The following PRKN variants were observed in gnomAD, a reference collection of about 807,000 sequenced individuals.
PRKN encodes the protein E3 ubiquitin-protein ligase parkin.
A neutral mutation model predicts 59.5 loss-of-function variants in PRKN; 56 were observed. The ratio of observed to expected loss-of-function variants is 0.94; its 90% CI spans 0.76 to 1.18. The LOEUF is 1.18. Ranked by LOEUF, PRKN falls within the 50% of genes most tolerant of loss-of-function variation. The probability of loss-of-function intolerance (pLI) is 0.00; values close to 1 mark genes in which losing one functional copy is unlikely to be tolerated. For missense variants in PRKN, 657 were observed against 596.4 expected (o/e 1.10, Z -1.06); for synonymous variants, 250 against 222.1 (o/e 1.13, Z -1.12).
intron 7 of PRKN, among the ~76,000 whole-genome samples, chr6:161,668,917 C>T (rs1354892521): frequency 1.3e-5 from 2 of 152,150 alleles, no homozygotes; most frequent in African/African-American, 4.8e-5. Context: ...GTGACTAAGG[C>T]ACTCCTCTCC....
chr6:162,627,059 G>T (rs939971079), intron 1 of PRKN, among the ~76,000 whole-genome samples: 1 of 152,140 alleles, frequency 6.6e-6, no homozygotes, highest in Non-Finnish European at 1.5e-5. Flanking sequence ...CTGTTCTACA[G>T]AATTCAATGC....
intron 5 of PRKN, among the ~76,000 whole-genome samples, chr6:161,985,226 CT>C (rs1184173715): frequency 6.6e-6 from 1 of 152,192 alleles, no homozygotes; most frequent in Non-Finnish European, 1.5e-5. Context: ...TCTAGCTGTT[CT>C]TTCTCTCCTT....
At chr6:162,280,553 G>T (rs1050672604) in intron 2 of PRKN, among the ~76,000 whole-genome samples, 1 of 152,124 alleles carries the variant, frequency 6.6e-6, no homozygotes, top group African/African-American at 2.4e-5. Flanking sequence ...CACTTTGGAA[G>T]GTTGAGGTGG....
intron 1 of PRKN, among the ~76,000 whole-genome samples, chr6:162,704,515 A>T (rs1387543201): frequency 6.6e-6 from 1 of 152,240 alleles, no homozygotes; most frequent in East Asian, 1.9e-4. Flanking sequence ...CTATGTGTCA[A>T]AGCTCATTGG....
At chr6:162,366,680 T>C (rs1377120002) in intron 2 of PRKN, among the ~76,000 whole-genome samples, 2 of 151,938 alleles carry the variant, frequency 1.3e-5, no homozygotes, top group African/African-American at 2.4e-5. Context: ...CCGAGGTGGG[T>C]GGATCACCTG....
intron 7 of PRKN, among the ~76,000 whole-genome samples, chr6:161,785,025 A>G (rs572003001): frequency 6.6e-6 from 1 of 152,348 alleles, no homozygotes; most frequent in East Asian, 1.9e-4. Context: ...CACCTATTGT[A>G]CGATTTCTTT....
At chr6:161,569,268 T>G in intron 8 of PRKN, 87 bp downstream of exon 8, 1 of 1,174,838 alleles carries the variant, frequency 8.5e-7, no homozygotes, top group Middle Eastern at 1.9e-4. Flanking sequence ...TCAGGAGACA[T>G]ACTCGGCCTC....
chr6:162,342,405 C>G (rs908691665), intron 2 of PRKN, among the ~76,000 whole-genome samples: 1 of 152,132 alleles, frequency 6.6e-6, no homozygotes, highest in Non-Finnish European at 1.5e-5. Context: ...TGAATTAGCA[C>G]CAGGCACGAT....
rs1489629583 is a variant in PRKN, at chr6:161,363,235, C to T, written c.1168-3030G>A. Among the ~76,000 whole-genome samples, 4 of 152,044 alleles carry T rather than the reference C, an allele frequency of 2.6e-5. No individual in the cohort carries two copies. Among genetic ancestry groups the T allele is most frequent in the African/African-American group, 9.7e-5 (4 of 41,388 alleles). On this transcript the variant is annotated intron_variant, in intron 10 of 11. Coordinates refer to ENST00000366898, the MANE Select transcript of PRKN (RefSeq NM_004562.3). This position sits in a 1 kb window ranked among gnomAD's most constrained non-coding sequence, Gnocchi z 4.1. ...CCAGTCCCGGTGATGGAGTGGGACT[C>T]TGTCTCAAAAAAACTTAACTGAGTA...
chr6:162,669,793 T>C (rs1251647921), intron 1 of PRKN, among the ~76,000 whole-genome samples: 1 of 152,180 alleles, frequency 6.6e-6, no homozygotes, highest in Non-Finnish European at 1.5e-5. Flanking sequence ...GGACTGGAAT[T>C]CCATAATCTC....
chr6:161,851,728 C>A (rs888323544), intron 6 of PRKN, among the ~76,000 whole-genome samples: 4 of 150,464 alleles, frequency 2.7e-5, no homozygotes, highest in Non-Finnish European at 5.9e-5. Context: ...TCAGGTGATC[C>A]ACCCGCTGAA....
chr6:161,997,095 A>C (rs1326285243), intron 5 of PRKN, among the ~76,000 whole-genome samples: 1 of 152,186 alleles, frequency 6.6e-6, no homozygotes, highest in Non-Finnish European at 1.5e-5. Flanking sequence ...ATAAACTGAG[A>C]TCTAGGTGGC....
chr6:162,322,101 A>T (rs1338586759), intron 2 of PRKN, among the ~76,000 whole-genome samples: 1 of 151,786 alleles, frequency 6.6e-6, no homozygotes, highest in Non-Finnish European at 1.5e-5. Flanking sequence ...TATAGAATCT[A>T]AAAAATGTCA....
At chr6:162,586,824 G>A (rs1397298160) in intron 1 of PRKN, among the ~76,000 whole-genome samples, 3 of 152,158 alleles carry the variant, frequency 2.0e-5, no homozygotes, top group South Asian at 4.1e-4. Flanking sequence ...AACTGTTAAA[G>A]CTTGCAATTA....
intron 2 of PRKN, among the ~76,000 whole-genome samples, chr6:162,319,806 C>T (rs891908619): frequency 1.3e-5 from 2 of 151,882 alleles, no homozygotes; most frequent in African/African-American, 2.4e-5. Context: ...CACAAATACA[C>T]AAAAATTCAT....
At chr6:162,038,318 A>G (rs1457263810) in intron 5 of PRKN, among the ~76,000 whole-genome samples, 2 of 152,164 alleles carry the variant, frequency 1.3e-5, no homozygotes, top group Non-Finnish European at 2.9e-5. Context: ...TTTGTGGAAA[A>G]GGCTGGAGAA....
intron 5 of PRKN, among the ~76,000 whole-genome samples, chr6:162,021,148 AT>A (rs1208814987): frequency 1.5e-4 from 2 of 12,928 alleles, no homozygotes; most frequent in African/African-American, 4.7e-4. Context: ...ATATATATAT[AT>A]ATATATATAT....
chr6:161,678,014 A>G (rs183866632), intron 7 of PRKN, among the ~76,000 whole-genome samples: 71 of 152,260 alleles, frequency 4.7e-4, no homozygotes, highest in African/African-American at 1.6e-3. Flanking sequence ...TGGTTTTCAG[A>G]CTGTCTAGAT....
chr6:161,979,406 G>T (rs1781176552), intron 5 of PRKN, among the ~76,000 whole-genome samples: 1 of 152,068 alleles, frequency 6.6e-6, no homozygotes, highest in African/African-American at 2.4e-5. Flanking sequence ...CTGAATAGCT[G>T]GGATCATAGG....
Sources: allele counts gnomAD v4.1 joint callset (sites outside exome capture counted in the v4.1 genomes callset), GRCh38; gene constraint gnomAD v4.1.1; non-coding constraint Gnocchi (gnomAD v3.1); transcripts MANE v1.5; gene names NCBI Gene and HGNC (gene_info 2026-07-23, HGNC 2026-07-21).